HERC1: variants seen among roughly 807,000 people sequenced by gnomAD.
HERC1 encodes HECT and RLD domain containing E3 ubiquitin protein ligase family member 1, also known as probable E3 ubiquitin-protein ligase HERC1.
In HERC1, 160 loss-of-function variants were observed where a neutral mutation model predicts 554.3. That is an observed-to-expected ratio of 0.29 (90% CI 0.25 to 0.33). HERC1 has a LOEUF of 0.33. Ranked by LOEUF, HERC1 falls within the 10% of genes least tolerant of loss-of-function variation. The probability of loss-of-function intolerance (pLI) is 1.00; values close to 1 mark genes in which losing one functional copy is unlikely to be tolerated. For missense variants in HERC1, 4,919 were observed against 5,918.5 expected (o/e 0.83, Z 5.54); for synonymous variants, 2,175 against 2,131.7 (o/e 1.02, Z -0.56).
intron 77 of HERC1, among the ~76,000 whole-genome samples, chr15:63,610,926 G>T (rs557361265): frequency 1.3e-5 from 2 of 152,322 alleles, no homozygotes; most frequent in East Asian, 3.9e-4. Context: ...TTCTGGGTTT[G>T]AGGGCTGTAC....
rs1015271643 is a variant in HERC1 at position 63,718,991 on chromosome 15, T to C, written c.3743-94A>G. The C allele has an allele frequency of 6.4e-6, 5 of 775,306 alleles. No individual in the cohort carries two copies. Among genetic ancestry groups the C allele is most frequent in the Admixed American group, 5.6e-5 (2 of 35,564 alleles). 48.0% of individuals were successfully genotyped at this position (775,306 alleles called of 1,614,324 possible). On this transcript the variant is annotated intron_variant, in intron 19 of 77. Coordinates refer to ENST00000443617, the MANE Select transcript of HERC1 (RefSeq NM_003922.4). The surrounding 1 kb of genome is among the most constrained non-coding windows in gnomAD (Gnocchi z 4.2). ...CTTTAGTCATCCAACACCTGAATTT[T>C]ATCATCTTTCTAAACTGTTACTTAA...
chr15:63,823,337 G>A (rs762034553), intron 1 of HERC1, among the ~76,000 whole-genome samples: 2 of 152,198 alleles, frequency 1.3e-5, no homozygotes, highest in Non-Finnish European at 2.9e-5. Context: ...AGTATTTAAA[G>A]TCATGGAACT....
chr15:63,628,162 G>A (rs1043006279), intron 70 of HERC1, among the ~76,000 whole-genome samples: 6 of 152,100 alleles, frequency 3.9e-5, no homozygotes, highest in African/African-American at 1.2e-4. Flanking sequence ...AGGCTGAGGC[G>A]GGCGGATCAC....
intron 13 of HERC1, among the ~76,000 whole-genome samples, chr15:63,733,625 G>A (rs2074384224): frequency 6.6e-6 from 1 of 152,222 alleles, no homozygotes; most frequent in Non-Finnish European, 1.5e-5. Context: ...GGCCAAGGCA[G>A]GTGGATCCGC....
At chr15:63,651,201 A>C (rs1201882583) in intron 53 of HERC1, 52 bp downstream of exon 53, 21 of 1,559,670 alleles carry the variant, frequency 1.3e-5, no homozygotes, top group South Asian at 3.4e-5. Flanking sequence ...ACTAAGAAGA[A>C]GGCTTTAAAA....
chr15:63,620,066 GTTC>G (rs1342563473), intron 74 of HERC1, among the ~76,000 whole-genome samples: 2 of 152,106 alleles, frequency 1.3e-5, no homozygotes, highest in South Asian at 4.2e-4. Flanking sequence ...TGCTTCTCTA[GTTC>G]TTTTTATTGT....
chr15:63,638,200 C>T, intron 63 of HERC1, among the ~76,000 whole-genome samples: 1 of 152,150 alleles, frequency 6.6e-6, no homozygotes, highest in East Asian at 1.9e-4. Flanking sequence ...GTTCATTAAA[C>T]TTGAAAGAAA....
chr15:63,709,411 G>A (rs1392946812), intron 24 of HERC1, among the ~76,000 whole-genome samples: 2 of 151,984 alleles, frequency 1.3e-5, no homozygotes, highest in African/African-American at 4.8e-5. Context: ...TTAAATCTAA[G>A]CTCAATCCTC....
chr15:63,659,229 T>C (rs1206906704), intron 47 of HERC1, among the ~76,000 whole-genome samples: 1 of 147,152 alleles, frequency 6.8e-6, no homozygotes, highest in Non-Finnish European at 1.5e-5. Flanking sequence ...TTCGGTATCA[T>C]GAAAGACAAA....
intron 56 of HERC1, 75 bp from the exon 57 acceptor site, chr15:63,645,172 A>C: frequency 9.3e-7 from 1 of 1,070,322 alleles, no homozygotes. Flanking sequence ...ATTGCAATCA[A>C]TTAAGATCTG....
In HERC1 at chr15:63,734,466, CAG is replaced by C. The variant is rs1403406485; in HGVS notation, c.2646+256_2646+257del. Among the ~76,000 whole-genome samples, 1 of 148,310 alleles carries C rather than the reference CAG, an allele frequency of 6.7e-6. No individual in the cohort carries two copies. The highest frequency in any genetic ancestry group is 2.0e-4 in the East Asian group (1 of 4,962). On this transcript the variant is annotated intron_variant, in intron 13 of 77. Coordinates refer to ENST00000443617, the MANE Select transcript of HERC1 (RefSeq NM_003922.4). The surrounding 1 kb of genome is among the most constrained non-coding windows in gnomAD (Gnocchi z 4.6). Reference sequence around the variant, plus strand: ...AACTCAGCATACTACAAATAAACCACAGAGTGTCTGGCTTAGTACCATAAGAA... The same window carrying C: ...AACTCAGCATACTACAAATAAACCACAGTGTCTGGCTTAGTACCATAAGAA...
intron 1 of HERC1, among the ~76,000 whole-genome samples, chr15:63,825,386 C>G (rs2145890596): frequency 6.6e-6 from 1 of 152,184 alleles, no homozygotes; most frequent in African/African-American, 2.4e-5. Flanking sequence ...TTTAAATGTT[C>G]CTAGCACATA....
At chr15:63,780,958 T>TAAATGTATATCCTAAGTGATGGATCTA (rs2076270998) in intron 1 of HERC1, among the ~76,000 whole-genome samples, 1 of 152,212 alleles carries the variant, frequency 6.6e-6, no homozygotes, top group African/African-American at 2.4e-5. Context: ...AATCATTTTT[T>TAAATGTATATCCTAAGTGATGGATCTA]AAATGTATAT....
In HERC1 at chr15:63,624,000, T is replaced by A. The variant is rs2068196322; in HGVS notation, c.13446-110A>T. The A allele has an allele frequency of 3.8e-6, 5 of 1,319,734 alleles. No individual in the cohort carries two copies. In the African/African-American group the frequency reaches 7.2e-5, roughly 19 times the overall value. 81.8% of individuals were successfully genotyped at this position (1,319,734 alleles called of 1,614,324 possible). A position where few individuals can be genotyped will look rare whatever the true frequency, so the allele number is the denominator to read the frequency against. On this transcript the variant is annotated intron_variant, in intron 72 of 77. Transcript: ENST00000443617. ...AAAAGCTAGTTTAACAGGCAAGCAC[T>A]GTGCTAGGCCCACTGTAACCACACC...
intron 53 of HERC1, 24 bp downstream of exon 53, chr15:63,651,229 T>C (rs995547594): frequency 1.2e-6 from 2 of 1,611,664 alleles, no homozygotes; most frequent in Admixed American, 1.7e-5. Flanking sequence ...TTCAGCAGTT[T>C]ACTAGTGTTT....
chr15:63,702,291 G>C (rs1250718053), intron 25 of HERC1, among the ~76,000 whole-genome samples: 1 of 152,004 alleles, frequency 6.6e-6, no homozygotes, highest in Non-Finnish European at 1.5e-5. Flanking sequence ...CATCTAATTT[G>C]AAATGCACAG....
At chr15:63,796,616 G>A (rs1011148384) in intron 1 of HERC1, among the ~76,000 whole-genome samples, 7 of 152,294 alleles carry the variant, frequency 4.6e-5, no homozygotes, top group Non-Finnish European at 7.4e-5. Context: ...TGTACCCAAG[G>A]TGGTCAGGGA....
At chr15:63,745,328 G>A (rs368601789) in intron 12 of HERC1, among the ~76,000 whole-genome samples, 3 of 152,136 alleles carry the variant, frequency 2.0e-5, no homozygotes, top group African/African-American at 4.8e-5. Context: ...ACTAGGACTC[G>A]CCTAAGAGTT....
intron 39 of HERC1, among the ~76,000 whole-genome samples, chr15:63,671,700 G>A (rs575490950): frequency 6.6e-6 from 1 of 152,170 alleles, no homozygotes; most frequent in African/African-American, 2.4e-5. Flanking sequence ...AGGTGGCCTT[G>A]GGCACACCAA....
Sources: gnomAD v4.1 joint callset for allele counts (sites outside exome capture counted in the v4.1 genomes callset) on GRCh38, gnomAD v4.1.1 for gene constraint, Gnocchi (gnomAD v3.1) non-coding constraint, MANE v1.5 for transcripts, NCBI Gene and HGNC (gene_info 2026-07-23, HGNC 2026-07-21) for gene names.